Variants in ABCC4 observed in about 807,000 individuals in gnomAD.
ABCC4 encodes the protein ATP-binding cassette sub-family C member 4.
A neutral mutation model predicts 168.5 loss-of-function variants in ABCC4; 102 were observed. The ratio of observed to expected loss-of-function variants is 0.61; its 90% CI spans 0.52 to 0.71. ABCC4 has a LOEUF of 0.71. Ranked by LOEUF, ABCC4 falls within the 30% of genes least tolerant of loss-of-function variation. The pLI is 0.00. For synonymous variants in ABCC4, 617 were observed against 590.7 expected, an observed-to-expected ratio of 1.04 and a Z score of -0.65; for missense variants, 1,402 against 1,605.8, an observed-to-expected ratio of 0.87 and a Z score of 2.17.
chr13:95,114,581 A>G (rs1334475815), intron 20 of ABCC4, among the ~76,000 whole-genome samples: 4 of 152,216 alleles, frequency 2.6e-5, no homozygotes, highest in Admixed American at 2.0e-4. Context: ...AAAGAAAAAA[A>G]AAAATCAGAG....
intron 1 of ABCC4, among the ~76,000 whole-genome samples, chr13:95,290,103 A>ATAG (rs1555342163): frequency 8.8e-6 from 1 of 113,700 alleles, no homozygotes; most frequent in Non-Finnish European, 2.1e-5. Flanking sequence ...TCTCAAAAAA[A>ATAG]ATAGATAGAT....
chr13:95,154,091 G>A (rs2036778864), intron 19 of ABCC4, among the ~76,000 whole-genome samples: 1 of 152,122 alleles, frequency 6.6e-6, no homozygotes, highest in African/African-American at 2.4e-5. Flanking sequence ...CAATATTTAT[G>A]TGGCTATTGA....
intron 19 of ABCC4, among the ~76,000 whole-genome samples, chr13:95,138,859 C>T (rs2036222902): frequency 6.6e-6 from 1 of 152,256 alleles, no homozygotes; most frequent in Non-Finnish European, 1.5e-5. Context: ...GGCAGGCCCT[C>T]ACACCACCTG....
intron 26 of ABCC4, among the ~76,000 whole-genome samples, chr13:95,057,073 C>T (rs1040957615): frequency 8.5e-5 from 13 of 152,202 alleles, no homozygotes; most frequent in Admixed American, 8.5e-4. Flanking sequence ...ATAGTATCAC[C>T]TTGGTGTTCT....
chr13:95,029,419 A>G (rs2031760755), intron 30 of ABCC4, among the ~76,000 whole-genome samples: 1 of 152,056 alleles, frequency 6.6e-6, no homozygotes, highest in African/African-American at 2.4e-5. Flanking sequence ...ATATGCACAG[A>G]TGCTTGTTTA....
intron 26 of ABCC4, 48 bp from the exon 27 acceptor site, chr13:95,053,232 T>C (rs2032915112): frequency 1.4e-6 from 2 of 1,414,680 alleles, no homozygotes; most frequent in Admixed American, 1.7e-5. Context: ...TCTTTTTTCA[T>C]TTTATTCCAA....
Position 95,071,869 on chromosome 13 carries a change from C to T in ABCC4, c.3019-16G>A. The T allele has an allele frequency of 6.7e-7, 1 of 1,481,614 alleles. No homozygotes were observed. The highest frequency in any genetic ancestry group is 9.0e-7 in the Non-Finnish European group (1 of 1,115,474). 91.8% of individuals were successfully genotyped at this position (1,481,614 alleles called of 1,614,324 possible). On this transcript the variant is annotated splice_polypyrimidine_tract_variant and intron_variant, in intron 24 of 30. Transcript: ENST00000645237. ...CTGAGATCATCTGAAAGAAATATGA[C>T]ATCCCGAGGGGTTAGGAATGGAGGG...
intron 19 of ABCC4, among the ~76,000 whole-genome samples, chr13:95,126,914 G>A (rs1256433570): frequency 7.9e-6 from 1 of 126,556 alleles, no homozygotes; most frequent in African/African-American, 2.8e-5. Context: ...CCATTAAAAA[G>A]CTAGGGGGGA....
intron 19 of ABCC4, among the ~76,000 whole-genome samples, chr13:95,116,527 G>T (rs2035386103): frequency 6.6e-6 from 1 of 152,016 alleles, no homozygotes; most frequent in Non-Finnish European, 1.5e-5. Context: ...CATTTTCCAG[G>T]CTGTGAGTTT....
At chr13:95,276,964 A>G (rs112428491) in intron 1 of ABCC4, among the ~76,000 whole-genome samples, 1,872 of 152,316 alleles carry the variant, frequency 0.012, 35 homozygotes, top group African/African-American at 0.042. Context: ...AGTTGGAGTT[A>G]GCCGAAGTCG....
chr13:95,183,075 CTT>C (rs4148491), intron 11 of ABCC4, among the ~76,000 whole-genome samples: 28 of 124,360 alleles, frequency 2.3e-4, no homozygotes, highest in Non-Finnish European at 2.4e-4. Context: ...TCCTCTAGGA[CTT>C]TTTTTTTTTT....
intron 1 of ABCC4, among the ~76,000 whole-genome samples, chr13:95,255,933 T>C (rs1464958246): frequency 6.6e-6 from 1 of 151,868 alleles, no homozygotes; most frequent in Non-Finnish European, 1.5e-5. Flanking sequence ...GGCCCTCACT[T>C]TATAATCCCA....
At chr13:95,094,159 C>T (rs977222172) in intron 20 of ABCC4, among the ~76,000 whole-genome samples, 1 of 150,378 alleles carries the variant, frequency 6.6e-6, no homozygotes, top group African/African-American at 2.5e-5. Flanking sequence ...CATCATTCTG[C>T]ACAGAATTAA....
chr13:95,025,813 C>T (rs2031512251), intron 30 of ABCC4, among the ~76,000 whole-genome samples: 1 of 152,076 alleles, frequency 6.6e-6, no homozygotes, highest in Admixed American at 6.5e-5. Context: ...AATGATCAGG[C>T]TGTGCATAAC....
At chr13:95,041,017 GGCT>G (rs567504281) in intron 29 of ABCC4, among the ~76,000 whole-genome samples, 35 of 152,332 alleles carry the variant, frequency 2.3e-4, no homozygotes, top group African/African-American at 8.2e-4. Flanking sequence ...TGGAGGAAAA[GGCT>G]GTGCTATTGG....
intron 19 of ABCC4, among the ~76,000 whole-genome samples, chr13:95,145,033 A>G (rs548882226): frequency 2.0e-5 from 3 of 152,340 alleles, no homozygotes; most frequent in East Asian, 3.9e-4. Flanking sequence ...GTCACCAAGC[A>G]TATGAAAAAA....
At chr13:95,176,883 C>G (rs1344926988) in intron 13 of ABCC4, among the ~76,000 whole-genome samples, 1 of 152,170 alleles carries the variant, frequency 6.6e-6, no homozygotes, top group Admixed American at 6.5e-5. Flanking sequence ...CCAGTCTAGA[C>G]TATGTAGGAA....
intron 18 of ABCC4, among the ~76,000 whole-genome samples, chr13:95,162,765 A>T (rs1019710252): frequency 6.6e-6 from 1 of 152,216 alleles, no homozygotes; most frequent in Non-Finnish European, 1.5e-5. Context: ...CATCCGAACC[A>T]CAGGGTGGAG....
intron 4 of ABCC4, among the ~76,000 whole-genome samples, chr13:95,226,123 T>G (rs889130437): frequency 6.6e-6 from 1 of 150,922 alleles, no homozygotes; most frequent in Non-Finnish European, 1.5e-5. Context: ...TGTTGGAGAA[T>G]TACTTCTCCA....
Sources: allele counts gnomAD v4.1 joint callset (sites outside exome capture counted in the v4.1 genomes callset), GRCh38; gene constraint gnomAD v4.1.1; transcripts MANE v1.5; gene names NCBI Gene and HGNC (gene_info 2026-07-23, HGNC 2026-07-21).